SCAF8: variants seen among roughly 807,000 people sequenced by gnomAD.
SCAF8 encodes SR-related and CTD-associated factor 8.
SCAF8 carries 23 observed loss-of-function variants against 140.5 expected under a neutral mutation model. That is an observed-to-expected ratio of 0.16 (90% CI 0.12 to 0.23). The LOEUF (loss-of-function observed/expected upper bound fraction) is 0.23. SCAF8 is among the 10% of genes least tolerant of loss of function. The probability of loss-of-function intolerance (pLI) is 1.00; values close to 1 mark genes in which losing one functional copy is unlikely to be tolerated. For missense variants in SCAF8, 1,397 were observed against 1,555.7 expected (o/e 0.90, Z 1.72); for synonymous variants, 575 against 528.9 (o/e 1.09, Z -1.20).
intron 1 of SCAF8, among the ~76,000 whole-genome samples, chr6:154,753,747 A>G (rs556560156): frequency 1.3e-5 from 2 of 152,374 alleles, no homozygotes; most frequent in South Asian, 4.1e-4. Flanking sequence ...GCCGTTTAAC[A>G]GTGGTTATTT....
rs542344017 is a variant in SCAF8 at position 154,779,018 on chromosome 6, T to G, written c.159+973T>G. 1.8e-3 allele frequency among the ~76,000 whole-genome samples: 278 copies of G among 152,164 alleles called. 2 individuals carry two copies. Among genetic ancestry groups the G allele is most frequent in the Non-Finnish European group, 3.6e-3 (244 of 67,992 alleles). ...AAAAGTTTTAATGTCTGGTTTTGTT[T>G]TGTTTTGTTTTGGTTTTTTTGTTTT... On this transcript the variant is annotated intron_variant, in intron 3 of 19. Transcript: ENST00000367178.
At chr6:154,781,117 T>G (rs189811713) in intron 3 of SCAF8, among the ~76,000 whole-genome samples, 3 of 152,296 alleles carry the variant, frequency 2.0e-5, no homozygotes, top group East Asian at 3.9e-4. Flanking sequence ...CTCCTTAAAC[T>G]GATAAGCAAC....
intron 1 of SCAF8, among the ~76,000 whole-genome samples, chr6:154,734,699 G>A (rs1281077717): frequency 6.6e-6 from 1 of 152,126 alleles, no homozygotes; most frequent in Admixed American, 6.5e-5. Flanking sequence ...TTACTAGTCT[G>A]GAAGAAGACA....
chr6:154,777,112 C>T (rs1007205609), intron 2 of SCAF8, among the ~76,000 whole-genome samples: 2 of 151,426 alleles, frequency 1.3e-5, no homozygotes, highest in African/African-American at 2.4e-5. Flanking sequence ...ACCCGGGAGG[C>T]GAGGGTTGCA....
chr6:154,818,817 A>G (rs1240937829), intron 14 of SCAF8, among the ~76,000 whole-genome samples: 3 of 152,234 alleles, frequency 2.0e-5, no homozygotes, highest in Non-Finnish European at 4.4e-5. Flanking sequence ...AATAAGTCCA[A>G]TAACGAGAAC....
chr6:154,801,145 T>C (rs1446143268), intron 6 of SCAF8, among the ~76,000 whole-genome samples: 2 of 151,480 alleles, frequency 1.3e-5, no homozygotes, highest in Non-Finnish European at 3.0e-5. Flanking sequence ...AATAGTTTTA[T>C]AGAAAATGTT....
chr6:154,809,867 G>C, intron 11 of SCAF8, 148 bp from the exon 12 acceptor site: 1 of 734,454 alleles, frequency 1.4e-6, no homozygotes, highest in Non-Finnish European at 2.3e-6. Context: ...ATGCATTTTT[G>C]AGACTTGATT....
chr6:154,743,939 A>G lies in SCAF8; in HGVS notation c.30+10009A>G, dbSNP rs1010580081. ...CTAGTTTCTGTAACAGCTGCTCACT[A>G]TGATGAAAAAAATCTCTTACATATT... On this transcript the variant is annotated intron_variant, in intron 1 of 19. Coordinates refer to ENST00000367178, the MANE Select transcript of SCAF8 (RefSeq NM_014892.5). Among the ~76,000 whole-genome samples, 122 of 152,360 alleles carry G rather than the reference A, an allele frequency of 8.0e-4. 1 individual carries two copies. The highest frequency in any genetic ancestry group is 2.8e-3 in the African/African-American group (116 of 41,584).
intron 3 of SCAF8, among the ~76,000 whole-genome samples, chr6:154,784,351 A>G (rs1307994336): frequency 6.6e-6 from 1 of 151,920 alleles, no homozygotes; most frequent in East Asian, 1.9e-4. Flanking sequence ...AGGATATTTT[A>G]GATCAACACA....
chr6:154,754,376 C>T (rs977529095), intron 1 of SCAF8, among the ~76,000 whole-genome samples: 2 of 152,174 alleles, frequency 1.3e-5, no homozygotes, highest in Admixed American at 6.5e-5. Flanking sequence ...GATTCAGTGA[C>T]GTTGCTAGCT....
rs756826205 is a variant in SCAF8 at position 154,733,800 on chromosome 6, C to G, written c.-101C>G. The G allele has an allele frequency of 7.7e-6, 11 of 1,425,452 alleles. No homozygotes were observed. The highest frequency in any genetic ancestry group is 1.0e-5 in the Non-Finnish European group (11 of 1,091,704). 88.3% of individuals were successfully genotyped at this position (1,425,452 alleles called of 1,614,324 possible). On this transcript the variant is annotated 5_prime_UTR_variant, in exon 1 of 20. Transcript: ENST00000367178. ...GCGGCCCGCTCTCCCGCCAGCGCCC[C>G]CTCCTCGCGGCCACGCAGCAGCCCG...
intron 1 of SCAF8, among the ~76,000 whole-genome samples, chr6:154,734,645 CAA>C (rs1778362939): frequency 6.6e-6 from 1 of 152,118 alleles, no homozygotes; most frequent in South Asian, 2.1e-4. Flanking sequence ...ACGTGTCAAA[CAA>C]GATTTTAAAA....
chr6:154,735,470 T>G (rs1391396394), intron 1 of SCAF8, among the ~76,000 whole-genome samples: 2 of 152,036 alleles, frequency 1.3e-5, no homozygotes. Flanking sequence ...TAATACTACA[T>G]TTTTTATTTT....
At chr6:154,800,752 C>G (rs1354462968) in intron 6 of SCAF8, among the ~76,000 whole-genome samples, 1 of 151,380 alleles carries the variant, frequency 6.6e-6, no homozygotes, top group African/African-American at 2.4e-5. Flanking sequence ...CCGATGTGTA[C>G]TCTTAGGTTG....
intron 9 of SCAF8, among the ~76,000 whole-genome samples, chr6:154,806,538 G>C (rs1369834318): frequency 1.3e-5 from 2 of 152,166 alleles, no homozygotes; most frequent in East Asian, 3.8e-4. Context: ...ACGTACATCT[G>C]TATGAACACC....
chr6:154,822,402 T>A lies in SCAF8; in HGVS notation c.1919T>A (p.Met640Lys). ...GAGGTTTTCCCTCCTCCTGTTGCTA[T>A]GTTGCAGGTTAGTGTTGAAGTGGGG... ...QAEVFPPPVA[M>K]LQIPVAPAVP... is the part of the protein sequence containing the mutation. The change falls in exon 16 of 20, where the codon ATG becomes AAG. Residue 640 changes from methionine to lysine, a missense_variant. By Grantham distance (95) the Met-to-Lys change is moderately conservative. Transcript: ENST00000367178. 1 of 1,608,254 alleles carries A rather than the reference T, an allele frequency of 6.2e-7. No individual in the cohort carries two copies. The highest frequency in any genetic ancestry group is 1.3e-5 in the African/African-American group (1 of 74,668).
intron 1 of SCAF8, among the ~76,000 whole-genome samples, chr6:154,770,820 C>A (rs937118068): frequency 2.0e-5 from 3 of 152,172 alleles, no homozygotes; most frequent in Admixed American, 2.0e-4. Flanking sequence ...TCTAGGCCCA[C>A]CGCAACCTCC....
intron 2 of SCAF8, among the ~76,000 whole-genome samples, chr6:154,775,518 T>C (rs934099859): frequency 6.6e-6 from 1 of 152,224 alleles, no homozygotes; most frequent in Non-Finnish European, 1.5e-5. Flanking sequence ...GTATTTTCTA[T>C]TTTCAGATGT....
chr6:154,802,210 T>TA (rs1777792804), intron 7 of SCAF8, 63 bp downstream of exon 7: 1 of 973,770 alleles, frequency 1.0e-6, no homozygotes, highest in East Asian at 2.8e-5. Context: ...CTATCATGGA[T>TA]TTTAATTCTA....
Sources: gnomAD v4.1 joint callset for allele counts (sites outside exome capture counted in the v4.1 genomes callset) on GRCh38, gnomAD v4.1.1 for gene constraint, MANE v1.5 for transcripts, NCBI Gene and HGNC (gene_info 2026-07-23, HGNC 2026-07-21) for gene names.